The following FSTL5 variants were observed in gnomAD, a reference collection of about 807,000 sequenced individuals.
FSTL5 encodes the protein follistatin-related protein 5.
In FSTL5, 62 loss-of-function variants were observed where a neutral mutation model predicts 89.1. The ratio of observed to expected loss-of-function variants is 0.70; its 90% confidence interval spans 0.57 to 0.86. The LOEUF is 0.86. Among genes scored for constraint, FSTL5 ranks in the 40% least tolerant of loss-of-function variants. The pLI is 0.00. For missense variants in FSTL5, 1,057 were observed against 1,001.6 expected (o/e 1.06, Z -0.75); for synonymous variants, 383 against 346.2 (o/e 1.11, Z -1.18).
intron 4 of FSTL5, among the ~76,000 whole-genome samples, chr4:161,896,196 A>G (rs1379393340): frequency 6.6e-6 from 1 of 152,160 alleles, no homozygotes; most frequent in Non-Finnish European, 1.5e-5. Flanking sequence ...TTGTATCTTC[A>G]TTGTTTTGCT....
intron 4 of FSTL5, among the ~76,000 whole-genome samples, chr4:161,853,779 T>C (rs1731635159): frequency 6.6e-6 from 1 of 152,148 alleles, no homozygotes; most frequent in Non-Finnish European, 1.5e-5. Flanking sequence ...TGATTTCAGA[T>C]GTCCTTATTC....
At chr4:161,801,745 C>A (rs1044969952) in intron 4 of FSTL5, among the ~76,000 whole-genome samples, 3 of 150,812 alleles carry the variant, frequency 2.0e-5, no homozygotes, top group Admixed American at 2.0e-4. Context: ...AATAATAAAG[C>A]TTTTTGAGAA....
intron 3 of FSTL5, among the ~76,000 whole-genome samples, chr4:161,930,929 G>A (rs570814297): frequency 6.6e-6 from 1 of 151,912 alleles, no homozygotes; most frequent in Admixed American, 6.6e-5. Flanking sequence ...AGACAAAGGC[G>A]AAGGGGGAAA....
chr4:161,632,405 A>G (rs1268691400), intron 7 of FSTL5, among the ~76,000 whole-genome samples: 2 of 152,136 alleles, frequency 1.3e-5, no homozygotes, highest in Non-Finnish European at 2.9e-5. Flanking sequence ...ACAAAACAAA[A>G]AGAGAGAAAA....
chr4:162,000,611 C>CA (rs1736436485), intron 3 of FSTL5, among the ~76,000 whole-genome samples: 1 of 148,010 alleles, frequency 6.8e-6, no homozygotes, highest in Non-Finnish European at 1.5e-5. Flanking sequence ...AAAAAAAAAA[C>CA]AAAAACAACA....
rs191600378 is a variant in FSTL5, at chr4:162,051,472, A to T, written c.127-17814T>A. Among the ~76,000 whole-genome samples, 682 of 151,300 alleles carry T rather than the reference A, an allele frequency of 4.5e-3. 1 individual carries two copies. The highest frequency in any genetic ancestry group is 7.4e-3 in the African/African-American group (306 of 41,426). On this transcript the variant is annotated intron_variant, in intron 2 of 15. Transcript: ENST00000306100. ...AAGCAGCTCAAACTATTTGAAATAT[A>T]AAAAAAATAGAAAACCCTACTAGAC...
At chr4:161,663,806 G>T (rs767605721) in intron 6 of FSTL5, among the ~76,000 whole-genome samples, 3 of 152,158 alleles carry the variant, frequency 2.0e-5, no homozygotes, top group Non-Finnish European at 4.4e-5. Flanking sequence ...TCTCCATGAG[G>T]GCCCTGCCCC....
chr4:161,913,336 C>T (rs1046247884), intron 4 of FSTL5, among the ~76,000 whole-genome samples: 1 of 152,220 alleles, frequency 6.6e-6, no homozygotes, highest in African/African-American at 2.4e-5. Flanking sequence ...AGGCTGGGTC[C>T]AGGGTCACTG....
intron 4 of FSTL5, among the ~76,000 whole-genome samples, chr4:161,790,038 T>A (rs969777994): frequency 3.3e-5 from 5 of 152,202 alleles, no homozygotes; most frequent in African/African-American, 1.2e-4. Flanking sequence ...TTACATTAAA[T>A]AGGATGTTAT....
intron 1 of FSTL5, among the ~76,000 whole-genome samples, chr4:162,145,988 G>A (rs147841498): frequency 6.0e-4 from 92 of 152,174 alleles, no homozygotes; most frequent in African/African-American, 2.0e-3. Context: ...CAATACTTAG[G>A]AGGAGATAAA....
At position 161,803,315 on chromosome 4, in the gene FSTL5, T is replaced by C. The variant is rs561287739; in HGVS notation, c.410-27241A>G. On this transcript the variant is annotated intron_variant, in intron 4 of 15. Transcript: ENST00000306100. The stretch of plus-strand genomic sequence containing the variant: ...TTGTAGACAAATAATACACAATCTA[T>C]ATTGTCTTTAATATCTGTAAATCTA... Among the ~76,000 whole-genome samples, 3 of 152,130 alleles carry C rather than the reference T, an allele frequency of 2.0e-5. No homozygotes were observed. The East Asian group carries it at 5.8e-4, about 29-fold the overall frequency.
At chr4:161,995,767 GTTT>G (rs371077939) in intron 3 of FSTL5, among the ~76,000 whole-genome samples, 101 of 137,152 alleles carry the variant, frequency 7.4e-4, no homozygotes, top group African/African-American at 2.6e-3. Context: ...CATGTAATGA[GTTT>G]TTTTTTTTTT....
At chr4:161,487,226 T>C (rs756937200) in intron 12 of FSTL5, among the ~76,000 whole-genome samples, 2 of 152,222 alleles carry the variant, frequency 1.3e-5, no homozygotes, top group Non-Finnish European at 2.9e-5. Flanking sequence ...AAATACGTGT[T>C]TAAATATCAC....
chr4:161,780,146 ATTAT>A (rs1013856091), intron 4 of FSTL5, among the ~76,000 whole-genome samples: 1 of 149,398 alleles, frequency 6.7e-6, no homozygotes, highest in African/African-American at 2.4e-5. Context: ...TGGTTGTATA[ATTAT>A]TTAATAATTA....
intron 1 of FSTL5, among the ~76,000 whole-genome samples, chr4:162,115,127 C>A (rs930750976): frequency 6.6e-6 from 1 of 152,046 alleles, no homozygotes; most frequent in Non-Finnish European, 1.5e-5. Flanking sequence ...CCAAAAAAGA[C>A]CAGAGAAAGA....
chr4:161,553,236 A>G (rs903600472), intron 8 of FSTL5, among the ~76,000 whole-genome samples: 6 of 151,444 alleles, frequency 4.0e-5, no homozygotes, highest in African/African-American at 1.5e-4. Context: ...AATATCCAAT[A>G]CAATCATATA....
intron 8 of FSTL5, among the ~76,000 whole-genome samples, chr4:161,567,555 T>C (rs1340494634): frequency 2.0e-5 from 3 of 152,178 alleles, no homozygotes; most frequent in Non-Finnish European, 4.4e-5. Flanking sequence ...ATCTATGATA[T>C]ATCACTCCTA....
chr4:161,678,381 C>T (rs1451081529), intron 6 of FSTL5, among the ~76,000 whole-genome samples: 2 of 151,712 alleles, frequency 1.3e-5, no homozygotes, highest in Non-Finnish European at 3.0e-5. Context: ...AGAAATGAGA[C>T]AAAAGAAGAG....
chr4:161,835,148 G>GAACA (rs1730993842), intron 4 of FSTL5, among the ~76,000 whole-genome samples: 1 of 146,556 alleles, frequency 6.8e-6, no homozygotes, highest in Non-Finnish European at 1.5e-5. Flanking sequence ...AAATAACGCT[G>GAACA]CATATCTACA....
Sources: gnomAD v4.1 joint callset for allele counts (sites outside exome capture counted in the v4.1 genomes callset) on GRCh38, gnomAD v4.1.1 for gene constraint, MANE v1.5 for transcripts, NCBI Gene and HGNC (gene_info 2026-07-23, HGNC 2026-07-21) for gene names.